Variants in SNTB1 observed in about 807,000 individuals in gnomAD.
SNTB1 encodes beta-1-syntrophin.
A neutral mutation model predicts 48.9 loss-of-function variants in SNTB1; 36 were observed. The observed-to-expected ratio is 0.74, with a 90% CI of 0.56 to 0.97. The LOEUF is 0.97. SNTB1 is among the 50% of genes least tolerant of loss of function. The pLI is 0.00. For synonymous variants in SNTB1, 299 were observed against 294.6 expected, an observed-to-expected ratio of 1.01 and a Z score of -0.15; for missense variants, 786 against 703.4, an observed-to-expected ratio of 1.12 and a Z score of -1.33.
At chr8:120,591,358 T>C (rs1816237614) in intron 3 of SNTB1, among the ~76,000 whole-genome samples, 1 of 151,606 alleles carries the variant, frequency 6.6e-6, no homozygotes, top group South Asian at 2.1e-4. Context: ...TGAAAATTGG[T>C]GACTTTTTCA....
At chr8:120,540,155 T>G (rs1815262419) in intron 6 of SNTB1, among the ~76,000 whole-genome samples, 1 of 151,846 alleles carries the variant, frequency 6.6e-6, no homozygotes, top group African/African-American at 2.4e-5. Flanking sequence ...CCCAACAGAG[T>G]TGGTGAGTTT....
At chr8:120,578,913 A>C (rs575455562) in intron 3 of SNTB1, among the ~76,000 whole-genome samples, 12 of 152,352 alleles carry the variant, frequency 7.9e-5, no homozygotes, top group African/African-American at 2.2e-4. Context: ...GAGGTAGCTC[A>C]GGCCTATAAT....
intron 1 of SNTB1, among the ~76,000 whole-genome samples, chr8:120,726,674 T>C (rs1818760461): frequency 6.6e-6 from 1 of 152,366 alleles, no homozygotes; most frequent in Non-Finnish European, 1.5e-5. Context: ...AGCCATTATC[T>C]GGACTATTTC....
chr8:120,746,769 A>G (rs1003667298), intron 1 of SNTB1, among the ~76,000 whole-genome samples: 6 of 152,236 alleles, frequency 3.9e-5, no homozygotes, highest in African/African-American at 1.4e-4. Flanking sequence ...GTATTACTGG[A>G]CATGGGAGAA....
At chr8:120,549,427 G>A (rs1008685098) in intron 4 of SNTB1, among the ~76,000 whole-genome samples, 1 of 152,152 alleles carries the variant, frequency 6.6e-6, no homozygotes, top group African/African-American at 2.4e-5. Context: ...TTTCATGCAC[G>A]TAGCCCCTAA....
In SNTB1 at chr8:120,571,478, G is replaced by GTTTTTT. The variant is rs1563820233; in HGVS notation, c.1136+3607_1136+3608insAAAAAA. On this transcript the variant is annotated intron_variant, in intron 4 of 6. Coordinates refer to ENST00000517992, the MANE Select transcript of SNTB1 (RefSeq NM_021021.4). ...GGATGTTTACATTCTGACTATTGAG[G>GTTTTTT]GTTTTTTTTTTTTTTTTTTTTTTTT... is the stretch of plus-strand genomic sequence containing the variant. 24 of 240,478 alleles carry GTTTTTT rather than the reference G, an allele frequency of 1.0e-4. 5 individuals carry two copies. Among genetic ancestry groups the GTTTTTT allele is most frequent in the African/African-American group, 3.5e-4 (11 of 31,632 alleles). 14.9% of individuals were successfully genotyped at this position (240,478 alleles called of 1,614,324 possible).
At chr8:120,671,048 A>G (rs1210330194) in intron 2 of SNTB1, among the ~76,000 whole-genome samples, 2 of 152,226 alleles carry the variant, frequency 1.3e-5, no homozygotes, top group East Asian at 1.9e-4. Flanking sequence ...AGCATTTCTC[A>G]TACTTCCCCA....
intron 5 of SNTB1, among the ~76,000 whole-genome samples, chr8:120,546,569 G>T (rs981011140): frequency 6.6e-6 from 1 of 152,072 alleles, no homozygotes. Context: ...TCTGCCTCCT[G>T]GGTTCAAGCG....
chr8:120,553,113 A>G (rs996514945), intron 4 of SNTB1, among the ~76,000 whole-genome samples: 5 of 152,208 alleles, frequency 3.3e-5, no homozygotes, highest in African/African-American at 9.6e-5. Flanking sequence ...AACAGGCCAC[A>G]GACCGCTACA....
In SNTB1 at chr8:120,541,968, T is replaced by C; in HGVS notation, c.1366A>G (p.Thr456Ala). Residue 456 changes from threonine (T) to alanine (A), a missense_variant, in exon 6 of 7, where the codon ACC becomes GCC. Transcript: ENST00000517992. ...CTYKNQECRL[T>A]IHYENGFSIT... The stretch of plus-strand genomic sequence containing the variant: ...GAAAATCCATTCTCATAATGTATGG[T>C]CAAACGGCACTCCTGGTTTTTGTAG... 6.2e-7 allele frequency: 1 copy of C among 1,613,794 alleles called. No individual in the cohort carries two copies. The highest frequency in any genetic ancestry group is 8.5e-7 in the Non-Finnish European group (1 of 1,179,894).
chr8:120,807,047 T>C (rs1820346686), intron 1 of SNTB1, among the ~76,000 whole-genome samples: 1 of 152,202 alleles, frequency 6.6e-6, no homozygotes, highest in Non-Finnish European at 1.5e-5. Flanking sequence ...TGTCAACAAC[T>C]GTCCTTGACT....
chr8:120,705,624 A>T (rs1242450579), intron 1 of SNTB1, among the ~76,000 whole-genome samples: 5 of 152,196 alleles, frequency 3.3e-5, no homozygotes, highest in Non-Finnish European at 5.9e-5. Flanking sequence ...TACTTTGTGG[A>T]AGAGTAGATT....
intron 1 of SNTB1, among the ~76,000 whole-genome samples, chr8:120,762,506 G>A (rs1819438863): frequency 6.6e-6 from 1 of 152,162 alleles, no homozygotes; most frequent in East Asian, 1.9e-4. Context: ...GAAAGAAGGG[G>A]ATTGTTTGGG....
chr8:120,690,269 T>C (rs1818102600), intron 2 of SNTB1, among the ~76,000 whole-genome samples: 1 of 152,202 alleles, frequency 6.6e-6, no homozygotes, highest in African/African-American at 2.4e-5. Context: ...GTACTATCCA[T>C]GGTTTCAGGC....
chr8:120,800,940 T>C (rs868571422), intron 1 of SNTB1, among the ~76,000 whole-genome samples: 1 of 152,044 alleles, frequency 6.6e-6, no homozygotes, highest in Non-Finnish European at 1.5e-5. Context: ...TATTCTAGTA[T>C]GAATAGAGTT....
At position 120,693,790 on chromosome 8, in the gene SNTB1, C is replaced by T. The variant is rs988540334; in HGVS notation, c.690G>A (p.Pro230=). The change falls in exon 2 of 7, where the codon CCG becomes CCA. Residue 230 remains proline (P), a synonymous_variant. Transcript: ENST00000517992. ...PRLGGSTSDP[P]SSQSFSFHRD... Reference sequence around the variant, plus strand: ...TGTGGAAGGAGAAGGACTGCGATGACGGGGGGTCTGAGGTGCTGCCCCCTA... The same window carrying T: ...TGTGGAAGGAGAAGGACTGCGATGATGGGGGGTCTGAGGTGCTGCCCCCTA... The T allele has an allele frequency of 1.1e-5, 18 of 1,613,876 alleles. No homozygotes were observed. The highest frequency in any genetic ancestry group is 4.0e-5 in the African/African-American group (3 of 74,904).
intron 1 of SNTB1, among the ~76,000 whole-genome samples, chr8:120,779,036 G>A (rs1048491401): frequency 2.0e-5 from 3 of 152,026 alleles, no homozygotes; most frequent in African/African-American, 7.3e-5. Context: ...GGCTCCACGT[G>A]GGGCCCTGGA....
chr8:120,632,830 T>A (rs1817007308), intron 2 of SNTB1, among the ~76,000 whole-genome samples, 179 bp from the exon 3 acceptor site: 1 of 152,190 alleles, frequency 6.6e-6, no homozygotes, highest in Admixed American at 6.5e-5. Flanking sequence ...CCACGCATAT[T>A]TACTGGGTTC....
chr8:120,744,067 C>T (rs1447677181), intron 1 of SNTB1, among the ~76,000 whole-genome samples: 1 of 150,632 alleles, frequency 6.6e-6, no homozygotes, highest in Non-Finnish European at 1.5e-5. Flanking sequence ...GAGTTTGAGG[C>T]TGCAGTGAGC....
Sources: gnomAD v4.1 joint callset for allele counts (sites outside exome capture counted in the v4.1 genomes callset) on GRCh38, gnomAD v4.1.1 for gene constraint, MANE v1.5 for transcripts, NCBI Gene and HGNC (gene_info 2026-07-23, HGNC 2026-07-21) for gene names.